RNF24: variants seen among roughly 807,000 people sequenced by gnomAD.
RNF24 encodes ring finger protein 24.
A neutral mutation model predicts 20.0 loss-of-function variants in RNF24; 14 were observed. That is an observed-to-expected ratio of 0.70 (90% CI 0.46 to 1.10). The LOEUF (loss-of-function observed/expected upper bound fraction) is 1.10, where lower values mean the gene tolerates loss of function less well. Among genes scored for constraint, RNF24 ranks in the 50% least tolerant of loss-of-function variants. RNF24 has a pLI of 0.00. For synonymous variants in RNF24, 45 were observed against 61.1 expected (o/e 0.74, Z 1.23); for missense variants, 124 against 177.6 (o/e 0.70, Z 1.71).
rs2090988054 is a variant in RNF24 at position 3,944,034 on chromosome 20, AC to A, written c.228+1142del. Among the ~76,000 whole-genome samples, 4 of 152,048 alleles carry A rather than the reference AC, an allele frequency of 2.6e-5. No individual in the cohort carries two copies. The South Asian group carries it at 8.3e-4, about 32-fold the overall frequency. ...AGACCAGCCTGGCCAACATGGTGAA[AC>A]CCCGTCTCTACTAAAAATACAAAAA... On this transcript the variant is annotated intron_variant, in intron 4 of 5. Coordinates refer to ENST00000358395, the MANE Select transcript of RNF24 (RefSeq NM_001134337.3).
intron 1 of RNF24, among the ~76,000 whole-genome samples, chr20:3,985,699 A>ATTT (rs76466197): frequency 2.3e-5 from 3 of 131,242 alleles, no homozygotes; most frequent in East Asian, 2.2e-4. Flanking sequence ...ATTCCTAGTA[A>ATTT]TTTTTTTTTT....
chr20:3,963,023 T>G (rs1379416193), intron 2 of RNF24, among the ~76,000 whole-genome samples: 1 of 152,168 alleles, frequency 6.6e-6, no homozygotes, highest in Admixed American at 6.5e-5. Flanking sequence ...AATAATAGTT[T>G]AATAGAAATG....
chr20:3,935,847 T>C lies in RNF24; in HGVS notation c.229-774A>G, dbSNP rs181806262. ...AGGAAAATAATGTTGCTTGAGGCCA[T>C]TTAATTGGAGAGTGGCCAGGCCTGG... On this transcript the variant is annotated intron_variant, in intron 4 of 5. Transcript: ENST00000358395. Among the ~76,000 whole-genome samples, 246 of 152,270 alleles carry C rather than the reference T, an allele frequency of 1.6e-3. 1 individual carries two copies. Among genetic ancestry groups the C allele is most frequent in the South Asian group, 5.0e-3 (24 of 4,822 alleles).
chr20:3,944,212 A>AC (rs1448258433), intron 4 of RNF24, among the ~76,000 whole-genome samples: 1 of 74,516 alleles, frequency 1.3e-5, no homozygotes, highest in Non-Finnish European at 2.6e-5. Flanking sequence ...CCCGTCTCAA[A>AC]AAAAAAAAAA....
chr20:3,970,314 G>A (rs953570913), intron 1 of RNF24, among the ~76,000 whole-genome samples: 3 of 151,960 alleles, frequency 2.0e-5, no homozygotes, highest in South Asian at 2.1e-4. Flanking sequence ...CATTAATGAA[G>A]CAGCATTACA....
At chr20:3,974,842 T>C (rs1978723514) in intron 1 of RNF24, among the ~76,000 whole-genome samples, 1 of 152,146 alleles carries the variant, frequency 6.6e-6, no homozygotes, top group African/African-American at 2.4e-5. Flanking sequence ...CAAATTGATA[T>C]ATAGGTTTAA....
chr20:3,999,512 TGGG>T (rs1981206900), intron 1 of RNF24, among the ~76,000 whole-genome samples: 1 of 152,102 alleles, frequency 6.6e-6, no homozygotes, highest in Non-Finnish European at 1.5e-5. Flanking sequence ...TCCAGCACAT[TGGG>T]AGGCCGAGGC....
chr20:3,954,885 C>T (rs953308147), intron 2 of RNF24, among the ~76,000 whole-genome samples: 18 of 148,856 alleles, frequency 1.2e-4, no homozygotes, highest in South Asian at 2.1e-4. Flanking sequence ...GGTGACAGTG[C>T]GAGACTCCAT....
intron 4 of RNF24, among the ~76,000 whole-genome samples, chr20:3,944,565 A>T (rs753354393): frequency 6.6e-6 from 1 of 152,208 alleles, no homozygotes; most frequent in South Asian, 2.1e-4. Flanking sequence ...AAAAATTCTG[A>T]AAGTTTGTAG....
chr20:3,978,271 T>C (rs1165168711), intron 1 of RNF24, among the ~76,000 whole-genome samples: 1 of 151,932 alleles, frequency 6.6e-6, no homozygotes, highest in Non-Finnish European at 1.5e-5. Context: ...GTCCTGACAT[T>C]GTGATCCGCC....
intron 1 of RNF24, among the ~76,000 whole-genome samples, chr20:3,979,262 T>C (rs759135451): frequency 1.3e-5 from 2 of 152,162 alleles, no homozygotes; most frequent in African/African-American, 4.8e-5. Flanking sequence ...TATAGGAAGA[T>C]TCCACAGAAC....
chr20:4,010,517 A>G lies in RNF24; in HGVS notation c.-8+4920T>C, dbSNP rs1419234386. On this transcript the variant is annotated intron_variant, in intron 1 of 5. Coordinates refer to ENST00000358395, the MANE Select transcript of RNF24 (RefSeq NM_001134337.3). ...AACAATATATTTGTCACATTTAATAATGACATATTTAATCATGAAGCTCAA... is the reference window on the plus strand; with the variant it reads ...AACAATATATTTGTCACATTTAATAGTGACATATTTAATCATGAAGCTCAA... 2.0e-5 allele frequency among the ~76,000 whole-genome samples: 3 copies of G among 152,306 alleles called. No homozygotes were observed. In the East Asian group the frequency reaches 5.8e-4, roughly 29 times the overall value.
intron 1 of RNF24, among the ~76,000 whole-genome samples, chr20:4,006,223 G>A (rs760345664): frequency 6.6e-6 from 1 of 152,134 alleles, no homozygotes; most frequent in Non-Finnish European, 1.5e-5. Flanking sequence ...ACAAAAATTA[G>A]CTGAGTGTGG....
intron 1 of RNF24, 182 bp downstream of exon 1, chr20:4,015,255 G>A (rs1982798585): frequency 6.6e-6 from 1 of 152,384 alleles, no homozygotes; most frequent in South Asian, 2.1e-4. Context: ...TCAGCCTGGA[G>A]ACACCGCCTC....
intron 1 of RNF24, among the ~76,000 whole-genome samples, chr20:3,982,202 G>A (rs953655250): frequency 6.6e-6 from 1 of 151,428 alleles, no homozygotes; most frequent in Non-Finnish European, 1.5e-5. Context: ...AGCTTATTTT[G>A]GGGAGAATGG....
At position 3,932,594 on chromosome 20, in the gene RNF24, G is replaced by A. The variant is rs2090837740; in HGVS notation, c.*1469C>T. 4.3e-6 allele frequency: 1 copy of A among 232,358 alleles called. No homozygotes were observed. Among genetic ancestry groups the A allele is most frequent in the Non-Finnish European group, 8.2e-6 (1 of 121,814 alleles). 14.4% of individuals were successfully genotyped at this position (232,358 alleles called of 1,614,324 possible). A position where few individuals can be genotyped will look rare whatever the true frequency, so the allele number is the denominator to read the frequency against. On this transcript the variant is annotated 3_prime_UTR_variant, in exon 6 of 6. Coordinates refer to ENST00000358395, the MANE Select transcript of RNF24 (RefSeq NM_001134337.3). ...AAAAAATCCTGGAGTCATGCCAAGA[G>A]CAGAGTAGCAAAGCTCCCTCCATCC...
intron 3 of RNF24, among the ~76,000 whole-genome samples, chr20:3,945,552 T>G (rs1200901059): frequency 6.6e-6 from 1 of 151,968 alleles, no homozygotes; most frequent in Non-Finnish European, 1.5e-5. Flanking sequence ...CTGTCTCTAC[T>G]AAAAATACAA....
chr20:3,936,731 G>A (rs559392558), intron 4 of RNF24, among the ~76,000 whole-genome samples: 1 of 152,348 alleles, frequency 6.6e-6, no homozygotes, highest in Admixed American at 6.5e-5. Context: ...CTGTCCTCTG[G>A]AGATTTAGCA....
chr20:3,995,059 G>A (rs78696839), intron 1 of RNF24, among the ~76,000 whole-genome samples: 1,684 of 152,306 alleles, frequency 0.011, 13 homozygotes, highest in Non-Finnish European at 0.017. Context: ...AAGCTGCATG[G>A]CACTAAGTGG....
Sources: allele counts gnomAD v4.1 joint callset (sites outside exome capture counted in the v4.1 genomes callset), GRCh38; gene constraint gnomAD v4.1.1; transcripts MANE v1.5; gene names NCBI Gene and HGNC (gene_info 2026-07-23, HGNC 2026-07-21).